ZCCHC14: variants seen among roughly 807,000 people sequenced by gnomAD.
ZCCHC14 encodes the protein zinc finger CCHC-type containing 14, also known as zinc finger CCHC domain-containing protein 14.
A neutral mutation model predicts 85.0 loss-of-function variants in ZCCHC14; 16 were observed. The ratio of observed to expected loss-of-function variants is 0.19; its 90% CI spans 0.13 to 0.29. The LOEUF (loss-of-function observed/expected upper bound fraction) is 0.29. Among genes scored for constraint, ZCCHC14 ranks in the 10% least tolerant of loss-of-function variants. The pLI is 1.00. For synonymous variants in ZCCHC14, 775 were observed against 630.7 expected, an observed-to-expected ratio of 1.23 and a Z score of -3.43; for missense variants, 1,303 against 1,443.5, an observed-to-expected ratio of 0.90 and a Z score of 1.58.
intron 1 of ZCCHC14, among the ~76,000 whole-genome samples, chr16:87,485,254 T>C (rs186191758): frequency 6.6e-6 from 1 of 152,348 alleles, no homozygotes; most frequent in African/African-American, 2.4e-5. Flanking sequence ...AGATACTCTG[T>C]CTTGCTTCTG....
chr16:87,415,643 T>C (rs992191969), intron 8 of ZCCHC14, among the ~76,000 whole-genome samples: 1 of 152,226 alleles, frequency 6.6e-6, no homozygotes, highest in African/African-American at 2.4e-5. Flanking sequence ...GTGCACCACC[T>C]CACAGGCTGG....
chr16:87,452,952 G>T (rs1910776721), intron 2 of ZCCHC14, among the ~76,000 whole-genome samples: 1 of 152,236 alleles, frequency 6.6e-6, no homozygotes. Flanking sequence ...CCCAAGTGGA[G>T]ATACCTTGGG....
intron 1 of ZCCHC14, chr16:87,473,558 A>G (rs1005612296): frequency 2.6e-5 from 4 of 152,216 alleles, no homozygotes; most frequent in African/African-American, 7.2e-5. Flanking sequence ...GTTATTGTGA[A>G]TATTTGGCCA....
intron 1 of ZCCHC14, among the ~76,000 whole-genome samples, chr16:87,463,344 T>TGCA (rs1398544752): frequency 2.6e-5 from 4 of 151,944 alleles, no homozygotes; most frequent in African/African-American, 9.7e-5. Context: ...ATCATATCAG[T>TGCA]GCACTCCAGC....
chr16:87,449,660 A>G (rs1018800766), intron 2 of ZCCHC14, among the ~76,000 whole-genome samples: 5 of 152,178 alleles, frequency 3.3e-5, no homozygotes, highest in African/African-American at 9.6e-5. Flanking sequence ...ATTCCCAACA[A>G]TGAGAAACCA....
intron 2 of ZCCHC14, among the ~76,000 whole-genome samples, chr16:87,446,899 C>G (rs774798161): frequency 6.6e-6 from 1 of 152,058 alleles, no homozygotes; most frequent in African/African-American, 2.4e-5. Flanking sequence ...GTTGGCCACG[C>G]TGGTCTTGAA....
chr16:87,424,387 T>C (rs1909260320), intron 3 of ZCCHC14, among the ~76,000 whole-genome samples: 1 of 152,112 alleles, frequency 6.6e-6, no homozygotes, highest in Non-Finnish European at 1.5e-5. Flanking sequence ...GTGAGTCCAT[T>C]GATAGCAACA....
intron 1 of ZCCHC14, among the ~76,000 whole-genome samples, chr16:87,465,878 C>T (rs1357278398): frequency 1.3e-5 from 2 of 152,188 alleles, no homozygotes; most frequent in Non-Finnish European, 2.9e-5. Flanking sequence ...GTTACCCAGG[C>T]TGATCTCAAA....
intron 2 of ZCCHC14, among the ~76,000 whole-genome samples, chr16:87,452,318 C>T (rs1232305484): frequency 6.6e-6 from 1 of 152,168 alleles, no homozygotes; most frequent in Non-Finnish European, 1.5e-5. Flanking sequence ...GCTGGCAGCT[C>T]CATGCTGGGT....
chr16:87,446,165 C>A (rs1910426921), intron 2 of ZCCHC14, among the ~76,000 whole-genome samples: 1 of 133,316 alleles, frequency 7.5e-6, no homozygotes, highest in Admixed American at 8.1e-5. Flanking sequence ...AAAACTCCGT[C>A]TCAAAAAAAA....
chr16:87,415,768 C>A (rs1454986350), intron 8 of ZCCHC14, among the ~76,000 whole-genome samples: 1 of 152,164 alleles, frequency 6.6e-6, no homozygotes, highest in African/African-American at 2.4e-5. Flanking sequence ...GTTTGAATCA[C>A]CGTGGAGATG....
intron 3 of ZCCHC14, among the ~76,000 whole-genome samples, chr16:87,424,762 A>T (rs897631530): frequency 1.3e-5 from 2 of 152,132 alleles, no homozygotes; most frequent in African/African-American, 2.4e-5. Flanking sequence ...CTGAAAGGCA[A>T]ATAAGAAGTT....
intron 1 of ZCCHC14, 22 bp from the exon 2 acceptor site, chr16:87,460,153 C>A: frequency 6.2e-7 from 1 of 1,611,528 alleles, no homozygotes; most frequent in Non-Finnish European, 8.5e-7. Context: ...GAAACAGAAT[C>A]ATCTTATTTT....
Position 87,412,430 on chromosome 16 carries a change from C to A in ZCCHC14, c.2291G>T (p.Ser764Ile), listed in dbSNP as rs1201842367. 5.0e-6 allele frequency: 8 copies of A among 1,614,042 alleles called. No individual in the cohort carries two copies. Among genetic ancestry groups the A allele is most frequent in the Non-Finnish European group, 6.8e-6 (8 of 1,179,984 alleles). ...ETSTAATGTP[S>I]TVLHAARPPI... is the part of the protein sequence containing the mutation. ...CGGACGGGCGGCGTGGAGGACTGTGCTGGGCGTCCCCGTGGCGGCCGTGCT... is the reference window on the plus strand; with the variant it reads ...CGGACGGGCGGCGTGGAGGACTGTGATGGGCGTCCCCGTGGCGGCCGTGCT... The change falls in exon 12 of 13, where the codon AGC becomes ATC. Residue 764 changes from serine to isoleucine, a missense_variant. By Grantham distance (142) the Ser-to-Ile change is moderately radical. Coordinates refer to ENST00000671377, the MANE Select transcript of ZCCHC14 (RefSeq NM_015144.3).
chr16:87,413,247 A>G, intron 10 of ZCCHC14, 52 bp from the exon 11 acceptor site: 1 of 1,469,048 alleles, frequency 6.8e-7, no homozygotes, highest in South Asian at 1.4e-5. Context: ...CTGCAGGCTC[A>G]GCCCGCCCCG....
chr16:87,486,037 A>G (rs1292625429), intron 1 of ZCCHC14, among the ~76,000 whole-genome samples: 1 of 152,238 alleles, frequency 6.6e-6, no homozygotes, highest in Admixed American at 6.5e-5. Flanking sequence ...ACAGTAGAAA[A>G]CAGCAAAACT....
chr16:87,452,850 A>G (rs1453368384), intron 2 of ZCCHC14, among the ~76,000 whole-genome samples: 2 of 152,212 alleles, frequency 1.3e-5, no homozygotes, highest in Non-Finnish European at 2.9e-5. Flanking sequence ...TGCAGCTGAA[A>G]GAAACAGCGA....
intron 2 of ZCCHC14, among the ~76,000 whole-genome samples, chr16:87,441,208 G>A (rs1910168542): frequency 6.6e-6 from 1 of 151,544 alleles, no homozygotes; most frequent in South Asian, 2.1e-4. Flanking sequence ...TAGCCAGGAT[G>A]GTCTCGATCT....
intron 8 of ZCCHC14, among the ~76,000 whole-genome samples, chr16:87,416,668 A>C (rs1190920325): frequency 1.3e-5 from 2 of 152,162 alleles, no homozygotes; most frequent in African/African-American, 4.8e-5. Flanking sequence ...AGGCAGGAGA[A>C]TCGCTTGAAC....
Sources: gnomAD v4.1 joint callset for allele counts (sites outside exome capture counted in the v4.1 genomes callset) on GRCh38, gnomAD v4.1.1 for gene constraint, MANE v1.5 for transcripts, NCBI Gene and HGNC (gene_info 2026-07-23, HGNC 2026-07-21) for gene names.